Variants in NRXN1 observed in about 807,000 individuals in gnomAD.
The protein encoded by NRXN1 is neurexin 1.
NRXN1 carries 39 observed loss-of-function variants against 150.9 expected under a neutral mutation model. The observed-to-expected ratio is 0.26, with a 90% CI of 0.20 to 0.34. The LOEUF is 0.34. Among genes scored for constraint, NRXN1 ranks in the 10% least tolerant of loss-of-function variants. The probability of loss-of-function intolerance (pLI) is 1.00; values close to 1 mark genes in which losing one functional copy is unlikely to be tolerated. For synonymous variants in NRXN1, 924 were observed against 757.0 expected, an observed-to-expected ratio of 1.22 and a Z score of -3.62; for missense variants, 1,815 against 1,949.9, an observed-to-expected ratio of 0.93 and a Z score of 1.30.
At chr2:50,289,386 G>A (rs1002972186) in intron 17 of NRXN1, among the ~76,000 whole-genome samples, 5 of 152,040 alleles carry the variant, frequency 3.3e-5, no homozygotes, top group Non-Finnish European at 5.9e-5. Flanking sequence ...TCCCCTCTAA[G>A]TCACTTATGC....
intron 17 of NRXN1, among the ~76,000 whole-genome samples, chr2:50,329,879 G>C (rs560075451): frequency 1.4e-4 from 21 of 150,674 alleles, no homozygotes; most frequent in African/African-American, 4.9e-4. Context: ...TCACTATGTT[G>C]GCCAGGCTGG....
At chr2:50,216,315 A>T (rs2063395466) in intron 18 of NRXN1, among the ~76,000 whole-genome samples, 1 of 152,086 alleles carries the variant, frequency 6.6e-6, no homozygotes, top group African/African-American at 2.4e-5. Context: ...TAATTTTAAG[A>T]TACTTGTTAT....
At chr2:50,307,684 T>C (rs1558495712) in intron 17 of NRXN1, among the ~76,000 whole-genome samples, 3 of 152,270 alleles carry the variant, frequency 2.0e-5, no homozygotes, top group Non-Finnish European at 4.4e-5. Flanking sequence ...CACCATCAAG[T>C]GACTATTTTC....
intron 18 of NRXN1, among the ~76,000 whole-genome samples, chr2:50,225,168 T>C (rs663558): frequency 6.6e-6 from 1 of 151,746 alleles, no homozygotes; most frequent in East Asian, 2.0e-4. Context: ...TATCCTTTGG[T>C]ACTGTACCTC....
intron 17 of NRXN1, among the ~76,000 whole-genome samples, chr2:50,358,690 GA>G (rs1348175508): frequency 1.3e-5 from 2 of 152,370 alleles, no homozygotes; most frequent in African/African-American, 4.8e-5. Flanking sequence ...TGCTGGCTCT[GA>G]AAAGAGCAGC....
chr2:50,520,035 G>T (rs1311461913), intron 12 of NRXN1, among the ~76,000 whole-genome samples: 1 of 151,756 alleles, frequency 6.6e-6, no homozygotes, highest in African/African-American at 2.4e-5. Context: ...CCTATACCAT[G>T]GCTCTATATT....
chr2:51,017,823 G>C (rs1668960603), intron 2 of NRXN1, among the ~76,000 whole-genome samples: 1 of 151,954 alleles, frequency 6.6e-6, no homozygotes, highest in Non-Finnish European at 1.5e-5. Context: ...TACATTATTT[G>C]CTGGAAAATA....
At chr2:50,959,895 G>A (rs1172862878) in intron 2 of NRXN1, among the ~76,000 whole-genome samples, 1 of 151,970 alleles carries the variant, frequency 6.6e-6, no homozygotes, top group Non-Finnish European at 1.5e-5. Flanking sequence ...TTGAGATACA[G>A]AGAAGTTAAA....
intron 21 of NRXN1, among the ~76,000 whole-genome samples, chr2:49,967,801 T>G (rs1316355520): frequency 6.6e-6 from 1 of 152,054 alleles, no homozygotes; most frequent in Admixed American, 6.6e-5. Flanking sequence ...GTCAGGAATC[T>G]AGAAAACACT....
chr2:50,357,295 T>C (rs1007378339), intron 17 of NRXN1, among the ~76,000 whole-genome samples: 11 of 150,146 alleles, frequency 7.3e-5, no homozygotes, highest in East Asian at 4.0e-4. Context: ...CATTTATTTA[T>C]TTATTTATTT....
intron 2 of NRXN1, among the ~76,000 whole-genome samples, chr2:51,015,423 A>C (rs565797099): frequency 6.6e-6 from 1 of 152,166 alleles, no homozygotes; most frequent in East Asian, 1.9e-4. Context: ...TAGGATACAA[A>C]TAAGGATTTT....
chr2:50,162,038 C>T (rs1012260044), intron 18 of NRXN1, among the ~76,000 whole-genome samples: 3 of 152,122 alleles, frequency 2.0e-5, no homozygotes, highest in Admixed American at 6.6e-5. Context: ...AATCCAACCA[C>T]TTGATATGAA....
In NRXN1 at chr2:50,766,629, C is replaced by T. The variant is rs879862845; in HGVS notation, c.833-143014G>A. 5.3e-5 allele frequency among the ~76,000 whole-genome samples: 8 copies of T among 152,098 alleles called. No individual in the cohort carries two copies. In the East Asian group the frequency reaches 1.6e-3, roughly 30 times the overall value. On this transcript the variant is annotated intron_variant, in intron 5 of 22. Coordinates refer to ENST00000401669, the MANE Select transcript of NRXN1 (RefSeq NM_001330078.2). ...GGATTAATCCCACATGAAATAATCACAAAATGATACCAGTTAGTATGATGC... is the reference window on the plus strand; with the variant it reads ...GGATTAATCCCACATGAAATAATCATAAAATGATACCAGTTAGTATGATGC...
intron 5 of NRXN1, among the ~76,000 whole-genome samples, chr2:50,656,639 C>G (rs1465097927): frequency 6.6e-6 from 1 of 151,862 alleles, no homozygotes; most frequent in Non-Finnish European, 1.5e-5. Context: ...TTTGTACCAC[C>G]CTCATCACCA....
At position 50,476,219 on chromosome 2, in the gene NRXN1, T is replaced by C. The variant is rs558493444; in HGVS notation, c.3071-3748A>G. Among the ~76,000 whole-genome samples the C allele has an allele frequency of 2.0e-5, 3 of 152,260 alleles. No homozygotes were observed. The East Asian group carries it at 5.8e-4, about 30-fold the overall frequency. On this transcript the variant is annotated intron_variant, in intron 15 of 22. Coordinates refer to ENST00000401669, the MANE Select transcript of NRXN1 (RefSeq NM_001330078.2). Reference sequence around the variant, plus strand: ...ATCTCAATAATACCCTTATTTTTAGTACTGTATATACACAGCCACTATGTT... The same window carrying C: ...ATCTCAATAATACCCTTATTTTTAGCACTGTATATACACAGCCACTATGTT...
At chr2:50,057,023 A>G (rs936268509) in intron 19 of NRXN1, among the ~76,000 whole-genome samples, 3 of 152,072 alleles carry the variant, frequency 2.0e-5, no homozygotes, top group East Asian at 3.9e-4. Flanking sequence ...AATTACTACT[A>G]CAGTCTATTG....
intron 17 of NRXN1, among the ~76,000 whole-genome samples, chr2:50,305,383 T>C (rs1339921019): frequency 3.3e-5 from 5 of 152,296 alleles, no homozygotes; most frequent in East Asian, 1.9e-4. Flanking sequence ...AAAAATCAAA[T>C]AGCCATTTAA....
At chr2:50,455,675 G>C (rs937022798) in intron 17 of NRXN1, among the ~76,000 whole-genome samples, 1 of 152,066 alleles carries the variant, frequency 6.6e-6, no homozygotes, top group Non-Finnish European at 1.5e-5. Context: ...AATAGGACCT[G>C]GGACAGCAGA....
chr2:51,009,451 T>C (rs1390583765), intron 2 of NRXN1, among the ~76,000 whole-genome samples: 1 of 151,918 alleles, frequency 6.6e-6, no homozygotes, highest in Non-Finnish European at 1.5e-5. Context: ...TGTAGCATAA[T>C]ATATCGGGAC....
Sources: gnomAD v4.1 joint callset for allele counts (sites outside exome capture counted in the v4.1 genomes callset) on GRCh38, gnomAD v4.1.1 for gene constraint, MANE v1.5 for transcripts, NCBI Gene and HGNC (gene_info 2026-07-23, HGNC 2026-07-21) for gene names.